Variants in TAFA2 observed in about 807,000 individuals in gnomAD.
TAFA2 encodes the protein TAFA chemokine like family member 2.
Under a neutral mutation model 18.8 loss-of-function variants are expected in TAFA2, and 7 were observed. The ratio of observed to expected loss-of-function variants is 0.37; its 90% CI spans 0.21 to 0.70. TAFA2 has a LOEUF of 0.70. Ranked by LOEUF, TAFA2 falls within the 30% of genes least tolerant of loss-of-function variation. The probability of loss-of-function intolerance (pLI) is 0.53; values close to 1 mark genes in which losing one functional copy is unlikely to be tolerated. For missense variants in TAFA2, 122 were observed against 158.1 expected (o/e 0.77, Z 1.23); for synonymous variants, 60 against 54.2 (o/e 1.11, Z -0.47).
chr12:61,750,371 A>G (rs79994046), intron 4 of TAFA2, among the ~76,000 whole-genome samples: 4,462 of 152,168 alleles, frequency 0.029, 226 homozygotes, highest in African/African-American at 0.1. Flanking sequence ...CAACTGTTGC[A>G]TCTTCCACTC....
At chr12:61,880,817 C>T in intron 1 of TAFA2, 1 of 310,340 alleles carries the variant, frequency 3.2e-6, no homozygotes, top group East Asian at 8.0e-5. Flanking sequence ...CTGCAGCTGC[C>T]CCAGAGCCCA....
intron 1 of TAFA2, among the ~76,000 whole-genome samples, chr12:62,201,279 G>T (rs912676123): frequency 1.3e-5 from 2 of 152,114 alleles, no homozygotes; most frequent in African/African-American, 2.4e-5. Flanking sequence ...ATACTATGTT[G>T]AATAGGAGTG....
intron 2 of TAFA2, among the ~76,000 whole-genome samples, chr12:61,827,687 T>C (rs1872576602): frequency 6.6e-6 from 1 of 152,036 alleles, no homozygotes; most frequent in African/African-American, 2.4e-5. Context: ...TCACAATGCA[T>C]ATTAGCATAT....
At chr12:62,007,403 C>T (rs572216798) in intron 1 of TAFA2, among the ~76,000 whole-genome samples, 8 of 152,216 alleles carry the variant, frequency 5.3e-5, no homozygotes, top group African/African-American at 1.4e-4. Context: ...TATCTTCCCA[C>T]GAGGAAGCAA....
At chr12:62,123,810 A>ACACACACACACACACACACACACACC (rs1241267899) in intron 1 of TAFA2, among the ~76,000 whole-genome samples, 15 of 150,588 alleles carry the variant, frequency 1.0e-4, no homozygotes, top group Non-Finnish European at 1.9e-4. Flanking sequence ...ACACACACAC[A>ACACACACACACACACACACACACACC]CACCACCTTT....
At chr12:61,969,723 A>G (rs189424828) in intron 1 of TAFA2, among the ~76,000 whole-genome samples, 48 of 151,768 alleles carry the variant, frequency 3.2e-4, no homozygotes, top group Non-Finnish European at 5.6e-4. Flanking sequence ...TAATAATACA[A>G]AAGAAGGAGA....
At chr12:62,042,919 C>T (rs1383154237) in intron 1 of TAFA2, among the ~76,000 whole-genome samples, 1 of 152,112 alleles carries the variant, frequency 6.6e-6, no homozygotes, top group Non-Finnish European at 1.5e-5. Flanking sequence ...TCCTCCCCTT[C>T]TGTAGGGTCC....
intron 1 of TAFA2, among the ~76,000 whole-genome samples, chr12:61,954,688 CTTAATT>C (rs1380580441): frequency 6.6e-6 from 1 of 152,008 alleles, no homozygotes; most frequent in Non-Finnish European, 1.5e-5. Context: ...CCAAATGATG[CTTAATT>C]TTATTTTTGT....
At chr12:61,974,917 A>G (rs982828430) in intron 1 of TAFA2, among the ~76,000 whole-genome samples, 76 of 151,824 alleles carry the variant, frequency 5.0e-4, no homozygotes, top group African/African-American at 1.7e-3. Context: ...GCCAATTGAC[A>G]GTATATGACA....
At chr12:62,037,267 T>C (rs1330166375) in intron 1 of TAFA2, among the ~76,000 whole-genome samples, 7 of 152,312 alleles carry the variant, frequency 4.6e-5, no homozygotes, top group African/African-American at 1.7e-4. Context: ...TGCCCATCTG[T>C]GCAGGGTGAG....
chr12:61,885,250 T>C (rs761389585), intron 1 of TAFA2, among the ~76,000 whole-genome samples: 2 of 152,162 alleles, frequency 1.3e-5, no homozygotes, highest in African/African-American at 2.4e-5. Context: ...TAGCATATCA[T>C]CCTACAGCAA....
At chr12:62,147,879 C>A (rs781084534) in intron 1 of TAFA2, among the ~76,000 whole-genome samples, 3 of 151,746 alleles carry the variant, frequency 2.0e-5, no homozygotes, top group Admixed American at 6.6e-5. Flanking sequence ...AAAAAAATAA[C>A]CGCAATAAGA....
At chr12:62,207,307 A>T (rs1022426881) in intron 1 of TAFA2, 1 of 152,190 alleles carries the variant, frequency 6.6e-6, no homozygotes, top group Non-Finnish European at 1.5e-5. Flanking sequence ...ATTAGGGAAA[A>T]ATATATGGCC....
intron 2 of TAFA2, among the ~76,000 whole-genome samples, chr12:61,846,365 C>T (rs1039974357): frequency 2.0e-5 from 3 of 152,118 alleles, no homozygotes; most frequent in Non-Finnish European, 2.9e-5. Flanking sequence ...AAAGAGTCAA[C>T]AGGATTTTCT....
intron 1 of TAFA2, among the ~76,000 whole-genome samples, chr12:62,164,631 C>T (rs1469410825): frequency 6.6e-6 from 1 of 151,998 alleles, no homozygotes; most frequent in Non-Finnish European, 1.5e-5. Flanking sequence ...TACCTGTGAA[C>T]CTAAAAAACA....
chr12:61,868,030 A>G (rs1378299861), intron 1 of TAFA2, among the ~76,000 whole-genome samples: 1 of 152,198 alleles, frequency 6.6e-6, no homozygotes, highest in Non-Finnish European at 1.5e-5. Context: ...GTAAGTTCCC[A>G]GAGGTAGGAG....
intron 1 of TAFA2, among the ~76,000 whole-genome samples, chr12:61,924,211 A>T (rs1877181282): frequency 6.6e-6 from 1 of 152,180 alleles, no homozygotes; most frequent in Non-Finnish European, 1.5e-5. Context: ...AAGACAGGCC[A>T]ACATTCAAAT....
At chr12:61,911,188 A>T (rs1243498441) in intron 1 of TAFA2, among the ~76,000 whole-genome samples, 1 of 152,182 alleles carries the variant, frequency 6.6e-6, no homozygotes, top group African/African-American at 2.4e-5. Flanking sequence ...ACCCCAAAAA[A>T]ATAGCAATTT....
At chr12:62,158,084 A>C (rs2062383971) in intron 1 of TAFA2, among the ~76,000 whole-genome samples, 1 of 152,136 alleles carries the variant, frequency 6.6e-6, no homozygotes, top group South Asian at 2.1e-4. Context: ...ACTTTTCTGG[A>C]AAAAAAGTCA....
Sources: gnomAD v4.1 joint callset for allele counts (sites outside exome capture counted in the v4.1 genomes callset) on GRCh38, gnomAD v4.1.1 for gene constraint, MANE v1.5 for transcripts, NCBI Gene and HGNC (gene_info 2026-07-23, HGNC 2026-07-21) for gene names.